Variants in R3HDM1 observed in about 807,000 individuals in gnomAD.
R3HDM1 encodes R3H domain containing 1.
Under a neutral mutation model 141.1 loss-of-function variants are expected in R3HDM1, and 46 were observed. The ratio of observed to expected loss-of-function variants is 0.33; its 90% CI spans 0.26 to 0.42. The LOEUF is 0.42. Ranked by LOEUF, R3HDM1 falls within the 10% of genes least tolerant of loss-of-function variation. The pLI, the probability that R3HDM1 is intolerant of heterozygous loss-of-function variation, is 1.00. For synonymous variants in R3HDM1, 435 were observed against 472.9 expected (o/e 0.92, Z 1.04); for missense variants, 1,184 against 1,368.3 (o/e 0.87, Z 2.12).
At chr2:135,560,451 C>G (rs1410949622) in intron 1 of R3HDM1, among the ~76,000 whole-genome samples, 1 of 152,082 alleles carries the variant, frequency 6.6e-6, no homozygotes, top group Non-Finnish European at 1.5e-5. Flanking sequence ...GTAGCTGGGA[C>G]TACAGGCATG....
intron 1 of R3HDM1, chr2:135,586,765 T>C: frequency 1.0e-6 from 1 of 985,182 alleles, no homozygotes; most frequent in South Asian, 4.7e-5. Context: ...ATGTTTGATA[T>C]TTCTTGTAAC....
intron 1 of R3HDM1, among the ~76,000 whole-genome samples, chr2:135,547,039 AGAAGATG>A (rs1345540007): frequency 6.6e-6 from 1 of 152,152 alleles, no homozygotes; most frequent in Non-Finnish European, 1.5e-5. Flanking sequence ...GATTTGAGAA[AGAAGATG>A]GTCAGATTGG....
intron 1 of R3HDM1, chr2:135,581,191 A>G (rs1173253331): frequency 2.0e-6 from 2 of 985,278 alleles, no homozygotes; most frequent in East Asian, 1.1e-4. Flanking sequence ...GGTTGCCTAT[A>G]TTAAGGTAGT....
intron 17 of R3HDM1, 51 bp from the exon 18 acceptor site, chr2:135,651,678 GT>G: frequency 1.3e-6 from 2 of 1,519,444 alleles, no homozygotes; most frequent in South Asian, 1.4e-5. Flanking sequence ...TCTTTGATAA[GT>G]TTGGCCTATG....
Position 135,641,696 on chromosome 2 carries a change from T to A in R3HDM1, c.1380T>A (p.Asn460Lys). ...HSSLSFDGGL[N>K]GQVASPSTSF... is the part of the protein sequence containing the mutation. ...CTCTTTCCTTTGATGGTGGCCTAAA[T>A]GGGCAAGTCGCATCTCCTAGCACTA... The change falls in exon 15 of 27, where the codon AAT (asparagine) becomes AAA (lysine). Residue 460 changes from asparagine to lysine, a missense_variant. By Grantham distance (94) the Asn-to-Lys change is moderately conservative (BLOSUM62 0). Around this residue, in one of 5 missense-constraint regions of R3HDM1, gnomAD observed 240 missense variants for 312.3 expected, o/e 0.77. Coordinates refer to ENST00000683871, the MANE Select transcript of R3HDM1 (RefSeq NM_001378107.1). 1 of 1,614,146 alleles carries A rather than the reference T, an allele frequency of 6.2e-7. No individual in the cohort carries two copies. The highest frequency in any genetic ancestry group is 8.5e-7 in the Non-Finnish European group (1 of 1,180,024).
At chr2:135,637,085 C>G (rs1015051324) in intron 11 of R3HDM1, among the ~76,000 whole-genome samples, 2 of 152,124 alleles carry the variant, frequency 1.3e-5, no homozygotes, top group Non-Finnish European at 2.9e-5. Flanking sequence ...AACTCCAAGC[C>G]TATACTAAAT....
intron 24 of R3HDM1, 86 bp downstream of exon 24, chr2:135,715,780 C>T: frequency 2.7e-6 from 4 of 1,479,016 alleles, no homozygotes; most frequent in Non-Finnish European, 3.7e-6. Flanking sequence ...GGTAATATTG[C>T]CTTTCTATTT....
intron 2 of R3HDM1, 104 bp downstream of exon 2, chr2:135,602,812 C>A: frequency 1.0e-6 from 1 of 962,992 alleles, no homozygotes; most frequent in South Asian, 2.5e-5. Context: ...CCTCTCCCTA[C>A]TTTGCAGCTG....
intron 19 of R3HDM1, among the ~76,000 whole-genome samples, chr2:135,664,005 G>A (rs1215285439): frequency 1.4e-5 from 2 of 142,732 alleles, no homozygotes; most frequent in African/African-American, 5.4e-5. Context: ...CTGCACTCCA[G>A]CCTGGGCAAC....
At chr2:135,590,858 C>T (rs1709099247) in intron 1 of R3HDM1, 1 of 365,112 alleles carries the variant, frequency 2.7e-6, no homozygotes. Context: ...TTTTACTGGC[C>T]ACAAAATGCT....
At position 135,650,842 on chromosome 2, in the gene R3HDM1, A is replaced by G. The variant is rs1040543701; in HGVS notation, c.1725+839A>G. 8.1e-6 allele frequency: 8 copies of G among 985,000 alleles called. No individual in the cohort carries two copies. The African/African-American group carries it at 1.4e-4, about 17-fold the overall frequency. 61.0% of individuals were successfully genotyped at this position (985,000 alleles called of 1,614,324 possible). ...CTGCAGACATGTCAACTTTGATATGATGACTCAATTGCCACAATTTTGTAA... is the reference window on the plus strand; with the variant it reads ...CTGCAGACATGTCAACTTTGATATGGTGACTCAATTGCCACAATTTTGTAA... On this transcript the variant is annotated intron_variant, in intron 17 of 26. Coordinates refer to ENST00000683871, the MANE Select transcript of R3HDM1 (RefSeq NM_001378107.1).
rs1313580722 is a variant in R3HDM1 at position 135,622,148 on chromosome 2, T to G, written c.419-506T>G. 4.1e-6 allele frequency: 4 copies of G among 984,514 alleles called. No homozygotes were observed. The East Asian group carries it at 4.5e-4, about 112-fold the overall frequency. 61.0% of individuals were successfully genotyped at this position (984,514 alleles called of 1,614,324 possible). ...TTAAGGCGAAGATAGCATGAATATT[T>G]GAAAAGTATTTTGAAAGCAAGCCTG... On this transcript the variant is annotated intron_variant, in intron 6 of 26. Coordinates refer to ENST00000683871, the MANE Select transcript of R3HDM1 (RefSeq NM_001378107.1).
intron 21 of R3HDM1, among the ~76,000 whole-genome samples, chr2:135,700,808 C>G (rs1330849972): frequency 6.6e-6 from 1 of 152,152 alleles, no homozygotes; most frequent in Non-Finnish European, 1.5e-5. Flanking sequence ...ATTAATTTTC[C>G]TAAGTCTCGA....
At chr2:135,536,688 T>G (rs1696201639) in intron 1 of R3HDM1, 4 of 974,476 alleles carry the variant, frequency 4.1e-6, no homozygotes, top group Non-Finnish European at 4.9e-6. Context: ...AAATATAAAT[T>G]ACTTTTGTGG....
At chr2:135,592,584 C>G (rs1709526007) in intron 1 of R3HDM1, among the ~76,000 whole-genome samples, 2 of 152,126 alleles carry the variant, frequency 1.3e-5, no homozygotes, top group Non-Finnish European at 2.9e-5. Context: ...TATGTTTTCT[C>G]TTACATGCCT....
At chr2:135,546,709 A>T (rs1698763025) in intron 1 of R3HDM1, among the ~76,000 whole-genome samples, 1 of 152,076 alleles carries the variant, frequency 6.6e-6, no homozygotes, top group Non-Finnish European at 1.5e-5. Context: ...CAGAAAAGAA[A>T]TGGTTACGCT....
intron 21 of R3HDM1, among the ~76,000 whole-genome samples, chr2:135,708,998 G>A (rs2075292879): frequency 6.7e-6 from 1 of 149,196 alleles, no homozygotes. Flanking sequence ...CAAAAATACA[G>A]CAGTAACTTA....
At chr2:135,599,757 G>A (rs904057737) in intron 1 of R3HDM1, among the ~76,000 whole-genome samples, 2 of 152,150 alleles carry the variant, frequency 1.3e-5, no homozygotes, top group East Asian at 1.9e-4. Flanking sequence ...CATTAGCTGG[G>A]CAAAGTGGCT....
In R3HDM1 at chr2:135,651,893, C is replaced by T. The variant is rs1310850996; in HGVS notation, c.1889C>T (p.Pro630Leu). The change falls in exon 18 of 27, where the codon CCA (proline) becomes CTA (leucine). Residue 630 changes from proline (P) to leucine (L), a missense_variant. Pro to Leu is a moderately conservative substitution (Grantham distance 98, BLOSUM62 -3). Coordinates refer to ENST00000683871, the MANE Select transcript of R3HDM1 (RefSeq NM_001378107.1). ...GCAGCCCCTCCACCACATCCTCCTC[C>T]ACCGCCACCACCACCACCTCCTCCT... ...MTAAPPPHPP[P>L]PPPPPPPPPP... is the part of the protein sequence containing the mutation. 4 of 1,613,912 alleles carry T rather than the reference C, an allele frequency of 2.5e-6. No homozygotes were observed. The South Asian group carries it at 4.4e-5, about 18-fold the overall frequency.
Sources: gnomAD v4.1 joint callset for allele counts (sites outside exome capture counted in the v4.1 genomes callset) on GRCh38, gnomAD v4.1.1 for gene constraint, gnomAD v4.1.1 regional missense constraint, MANE v1.5 for transcripts, NCBI Gene and HGNC (gene_info 2026-07-23, HGNC 2026-07-21) for gene names.